ATRX: variants seen among roughly 807,000 people sequenced by gnomAD.
The protein encoded by ATRX is ATRX chromatin remodeler.
A neutral mutation model predicts 172.6 loss-of-function variants in ATRX; 12 were observed. The observed-to-expected ratio is 0.07, with a 90% CI of 0.04 to 0.11. The LOEUF is 0.11. ATRX is among the 10% of genes least tolerant of loss of function. The probability of loss-of-function intolerance (pLI) is 1.00; values close to 1 mark genes in which losing one functional copy is unlikely to be tolerated. For synonymous variants in ATRX, 674 were observed against 594.7 expected (o/e 1.13, Z -1.94); for missense variants, 1,368 against 1,767.4 (o/e 0.77, Z 4.05).
At chrX:77,639,201 C>T (rs1339171061) in intron 15 of ATRX, among the ~76,000 whole-genome samples, 1 of 111,603 alleles carries the variant, frequency 9.0e-6, no homozygotes, top group Non-Finnish European at 1.9e-5. Context: ...GCATAATTGG[C>T]CCACTAATAA....
chrX:77,762,248 T>C (rs1443703042), intron 1 of ATRX, among the ~76,000 whole-genome samples: 1 of 94,624 alleles, frequency 1.1e-5, no homozygotes, highest in Admixed American at 1.4e-4. Context: ...AGCTTTGCAG[T>C]GAGCAGAGAT....
chrX:77,602,151 C>A (rs1205291145), intron 22 of ATRX, among the ~76,000 whole-genome samples: 1 of 111,530 alleles, frequency 9.0e-6, no homozygotes, highest in Non-Finnish European at 1.9e-5. Flanking sequence ...ACTACAGGCA[C>A]ATGCCACCAG....
intron 2 of ATRX, among the ~76,000 whole-genome samples, chrX:77,707,174 G>T (rs1387717180): frequency 8.9e-6 from 1 of 111,901 alleles, no homozygotes; most frequent in African/African-American, 3.2e-5. Context: ...AAATTCCTAG[G>T]AAGAGAATGT....
At chrX:77,772,858 T>C (rs2076208715) in intron 1 of ATRX, among the ~76,000 whole-genome samples, 1 of 107,581 alleles carries the variant, frequency 9.3e-6, no homozygotes, top group African/African-American at 3.4e-5. Flanking sequence ...ATTTTTTTTT[T>C]TTTTTGAGAG....
intron 27 of ATRX, among the ~76,000 whole-genome samples, chrX:77,580,340 C>G (rs782486107): frequency 9.0e-6 from 1 of 110,851 alleles, no homozygotes; most frequent in Non-Finnish European, 1.9e-5. Flanking sequence ...CAGATCTAAC[C>G]CAAAAAAGAC....
At chrX:77,558,567 C>T in intron 29 of ATRX, 102 bp downstream of exon 29, 2 of 770,976 alleles carry the variant, frequency 2.6e-6, no homozygotes, top group Non-Finnish European at 3.8e-6. Context: ...ATGGTATTTC[C>T]AACTTTGTTT....
intron 10 of ATRX, among the ~76,000 whole-genome samples, chrX:77,671,168 ATATATAT>A (rs1260323474): frequency 1.2e-4 from 1 of 8,523 alleles, no homozygotes; most frequent in Non-Finnish European, 3.0e-4. Flanking sequence ...AAAAAAAAAA[ATATATAT>A]ATATATATAT....
chrX:77,660,854 G>A (rs1157298420), intron 12 of ATRX, among the ~76,000 whole-genome samples: 2 of 110,834 alleles, frequency 1.8e-5, no homozygotes, highest in African/African-American at 6.6e-5. Context: ...CTGTGATATT[G>A]TACATACACC....
In ATRX at chrX:77,682,474, C is replaced by G. The variant is rs797044792; in HGVS notation, c.2782G>C (p.Glu928Gln). 4.5e-5 allele frequency: 55 copies of G among 1,209,610 alleles called. No individual in the cohort carries two copies. The highest frequency in any genetic ancestry group is 5.9e-5 in the Non-Finnish European group (53 of 895,039). Residue 928 changes from glutamate (E) to glutamine (Q), a missense_variant, in exon 9 of 35, where the codon GAG becomes CAG. Physicochemically the swap from Glu to Gln is conservative, Grantham distance 29. Coordinates refer to ENST00000373344, the MANE Select transcript of ATRX (RefSeq NM_000489.6). ...TDGVDKLSGK[E>Q]ESFTSLEVRK... is the part of the protein sequence containing the mutation. ...ACTTCCAAAGAAGTAAAACTCTCCT[C>G]TTTCCCAGAAAGCTTATCGACACCA...
chrX:77,627,065 A>T (rs1285213262), intron 19 of ATRX, among the ~76,000 whole-genome samples: 2 of 110,857 alleles, frequency 1.8e-5, no homozygotes, highest in Admixed American at 1.9e-4. Flanking sequence ...TTCCACTAAA[A>T]AAATACAAGA....
intron 30 of ATRX, among the ~76,000 whole-genome samples, chrX:77,551,066 A>G: frequency 8.9e-6 from 1 of 111,843 alleles, no homozygotes; most frequent in East Asian, 2.8e-4. Flanking sequence ...ATTCAATGCC[A>G]TCCCCATCAA....
chrX:77,643,262 A>AACACACAC (rs370939089), intron 15 of ATRX, among the ~76,000 whole-genome samples: 1 of 108,075 alleles, frequency 9.3e-6, no homozygotes, highest in African/African-American at 3.4e-5. Context: ...ACAGCTTTAA[A>AACACACAC]ACACACACAC....
chrX:77,683,853 T>G lies in ATRX; in HGVS notation c.1403A>C (p.Gln468Pro). 6.6e-6 allele frequency: 8 copies of G among 1,210,494 alleles called. No individual in the cohort carries two copies. The highest frequency in any genetic ancestry group is 8.9e-6 in the Non-Finnish European group (8 of 894,314). The change falls in exon 9 of 35, where the codon CAG (glutamine) becomes CCG (proline). Residue 468 changes from glutamine to proline, a missense_variant. Gln to Pro is a moderately conservative substitution (Grantham distance 76). Transcript: ENST00000373344. The stretch of plus-strand genomic sequence containing the variant: ...CTGATGCATGTGCTCACTATCTACC[T>G]GTTTTCTTGAAAGTTTAGCTTCTGA... ...SKSEAKLSRK[Q>P]VDSEHMHQNV...
chrX:77,777,971 A>G (rs1386907874), intron 1 of ATRX, among the ~76,000 whole-genome samples: 4 of 108,792 alleles, frequency 3.7e-5, no homozygotes, highest in African/African-American at 1.3e-4. Context: ...CCCCGTCTCT[A>G]CTAAAAATAC....
chrX:77,673,260 A>G (rs1212394939), intron 10 of ATRX, among the ~76,000 whole-genome samples: 1 of 111,457 alleles, frequency 9.0e-6, no homozygotes, highest in Non-Finnish European at 1.9e-5. Context: ...CTTTTCAGAG[A>G]AAGAACCAAT....
rs782665830 is a variant in ATRX at position 77,708,401 on chromosome X, C to T, written c.133+8730G>A. ...ATAGGCCAGGCGCAGTGGCTCACGC[C>T]TGCAATCCCAGGACTTTGGGAACCT... On this transcript the variant is annotated intron_variant, in intron 2 of 34. Transcript: ENST00000373344. 5.3e-5 allele frequency among the ~76,000 whole-genome samples: 6 copies of T among 112,524 alleles called. No individual in the cohort carries two copies. The South Asian group carries it at 2.2e-3, about 41-fold the overall frequency.
intron 30 of ATRX, among the ~76,000 whole-genome samples, chrX:77,551,160 C>A (rs1250752218): frequency 1.8e-5 from 2 of 111,891 alleles, no homozygotes; most frequent in African/African-American, 6.5e-5. Flanking sequence ...ATTGCCAAGT[C>A]AATCCTAAGC....
At chrX:77,616,756 A>T (rs1557097096) in intron 21 of ATRX, 26 bp from the exon 22 acceptor site, 1 of 1,005,927 alleles carries the variant, frequency 9.9e-7, no homozygotes, top group Non-Finnish European at 1.4e-6. Flanking sequence ...AAGAGAATGA[A>T]AATTAATCTA....
intron 5 of ATRX, among the ~76,000 whole-genome samples, chrX:77,695,899 G>A (rs1388473173): frequency 3.6e-5 from 4 of 110,821 alleles, no homozygotes; most frequent in African/African-American, 1.3e-4. Flanking sequence ...ATTTAACAAA[G>A]AAAAAAAATC....
Sources: gnomAD v4.1 joint callset for allele counts (sites outside exome capture counted in the v4.1 genomes callset) on GRCh38, gnomAD v4.1.1 for gene constraint, MANE v1.5 for transcripts, NCBI Gene and HGNC (gene_info 2026-07-23, HGNC 2026-07-21) for gene names.